The following EPB41L1 variants were observed in gnomAD, a reference collection of about 807,000 sequenced individuals.
The protein encoded by EPB41L1 is erythrocyte membrane protein band 4.1 like 1, also known as band 4.1-like protein 1.
In EPB41L1, 29 loss-of-function variants were observed where a neutral mutation model predicts 97.8. The ratio of observed to expected loss-of-function variants is 0.30; its 90% CI spans 0.22 to 0.40. The LOEUF is 0.40. Among genes scored for constraint, EPB41L1 ranks in the 10% least tolerant of loss-of-function variants. The pLI is 1.00. For synonymous variants in EPB41L1, 383 were observed against 459.2 expected (o/e 0.83, Z 2.12); for missense variants, 812 against 1,162.3 (o/e 0.70, Z 4.38).
At chr20:36,126,435 C>T (rs889774419) in intron 2 of EPB41L1, among the ~76,000 whole-genome samples, 2 of 148,796 alleles carry the variant, frequency 1.3e-5, no homozygotes, top group African/African-American at 2.5e-5. Context: ...GGCGTGATCT[C>T]GGCTCACTGC....
At chr20:36,136,131 C>A (rs2059406127) in intron 2 of EPB41L1, among the ~76,000 whole-genome samples, 1 of 151,978 alleles carries the variant, frequency 6.6e-6, no homozygotes, top group African/African-American at 2.4e-5. Flanking sequence ...AAAAAATTTT[C>A]AAAATTGTGG....
At chr20:36,188,641 C>CACACACAGAG (rs1170858082) in intron 9 of EPB41L1, 142 bp downstream of exon 9, 8 of 273,758 alleles carry the variant, frequency 2.9e-5, no homozygotes, top group East Asian at 2.4e-4. Flanking sequence ...CACACACACA[C>CACACACAGAG]AGAGAGAGAG....
Position 36,207,311 on chromosome 20 carries a change from G to C in EPB41L1, c.1669-2177G>C. On this transcript the variant is annotated intron_variant, in intron 14 of 21. Coordinates refer to ENST00000338074, the MANE Select transcript of EPB41L1 (RefSeq NM_012156.2). This position sits in a 1 kb window ranked among gnomAD's most constrained non-coding sequence, Gnocchi z 4.9. ...CCTCCCATCACCAGCAGAAAGCCCAGAGTAGTCCCTGAAGAAGCTGAGGGG... is the reference window on the plus strand; with the variant it reads ...CCTCCCATCACCAGCAGAAAGCCCACAGTAGTCCCTGAAGAAGCTGAGGGG... 7.8e-7 allele frequency: 1 copy of C among 1,285,066 alleles called. No individual in the cohort carries two copies. Among genetic ancestry groups the C allele is most frequent in the Non-Finnish European group, 1.0e-6 (1 of 985,968 alleles). The allele number at this position is 1,285,066 out of a possible 1,614,324, so 79.6% of individuals were successfully genotyped here.
At chr20:36,199,714 G>A (rs1402427459) in intron 14 of EPB41L1, among the ~76,000 whole-genome samples, 2 of 152,200 alleles carry the variant, frequency 1.3e-5, no homozygotes, top group Non-Finnish European at 2.9e-5. Context: ...GTGATCCAGT[G>A]AACAACATCC....
intron 2 of EPB41L1, among the ~76,000 whole-genome samples, chr20:36,118,023 G>A (rs1411872877): frequency 6.6e-6 from 1 of 152,208 alleles, no homozygotes; most frequent in Non-Finnish European, 1.5e-5. Flanking sequence ...TCCCTCTGTG[G>A]GATGTTGGAT....
intron 11 of EPB41L1, among the ~76,000 whole-genome samples, chr20:36,192,781 GA>G (rs2055695247): frequency 6.6e-6 from 1 of 152,164 alleles, no homozygotes; most frequent in Non-Finnish European, 1.5e-5. Context: ...CAAGCAATGG[GA>G]AAAGCATGTG....
intron 1 of EPB41L1, among the ~76,000 whole-genome samples, chr20:36,100,662 G>C (rs906787549): frequency 6.6e-6 from 1 of 152,230 alleles, no homozygotes; most frequent in Non-Finnish European, 1.5e-5. Flanking sequence ...GCACAGCTGG[G>C]ATTTCAATCT....
chr20:36,176,421 G>A (rs1040504414), intron 3 of EPB41L1, among the ~76,000 whole-genome samples: 2 of 152,086 alleles, frequency 1.3e-5, no homozygotes, highest in African/African-American at 2.4e-5. Context: ...TATCCCTGCC[G>A]AGGCAGCATT....
At chr20:36,095,250 GC>G (rs1156622703) in intron 1 of EPB41L1, among the ~76,000 whole-genome samples, 17 of 152,322 alleles carry the variant, frequency 1.1e-4, no homozygotes, top group African/African-American at 3.8e-4. Context: ...GGGATTACAG[GC>G]ATGAGCCACC....
chr20:36,164,846 C>T (rs1168016005), intron 1 of EPB41L1, among the ~76,000 whole-genome samples: 5 of 151,822 alleles, frequency 3.3e-5, no homozygotes, highest in South Asian at 2.1e-4. Flanking sequence ...CCACCATGCC[C>T]GGCTAATTTT....
chr20:36,214,432 A>G lies in EPB41L1; in HGVS notation c.2260A>G (p.Thr754Ala). Residue 754 changes from threonine to alanine, a missense_variant, in exon 17 of 22, where the codon ACC becomes GCC. This residue lies in a region of EPB41L1 where 498 missense variants were observed against 622.7 expected (regional missense o/e 0.80). Coordinates refer to ENST00000338074, the MANE Select transcript of EPB41L1 (RefSeq NM_012156.2). ...TPSITTETISTTMENSLKSGK... is the reference protein window; with the variant it reads ...TPSITTETISATMENSLKSGK... ...CTCCATCACCACGGAGACCATATCG[A>G]CCACCATGGTAAGTTGAACCCAGGA... 1 of 1,612,846 alleles carries G rather than the reference A, an allele frequency of 6.2e-7. No homozygotes were observed. Among genetic ancestry groups the G allele is most frequent in the Non-Finnish European group, 8.5e-7 (1 of 1,179,668 alleles).
chr20:36,151,619 G>C (rs2060051858), upstream of EPB41L1: 1 of 152,256 alleles, frequency 6.6e-6, no homozygotes, highest in South Asian at 2.1e-4. Flanking sequence ...AGTAACTCAA[G>C]TAGTAATTGC....
At chr20:36,163,891 C>G (rs574973653) in intron 1 of EPB41L1, among the ~76,000 whole-genome samples, 1 of 152,250 alleles carries the variant, frequency 6.6e-6, no homozygotes, top group Non-Finnish European at 1.5e-5. Context: ...GACAGAGTCT[C>G]TGTCGTCCAG....
chr20:36,214,228 G>T (rs1343171313), intron 16 of EPB41L1, 129 bp from the exon 17 acceptor site: 7 of 696,548 alleles, frequency 1.0e-5, no homozygotes, highest in Non-Finnish European at 1.8e-5. Context: ...TGGTCTGTGT[G>T]CAGCCCCCTG....
At chr20:36,134,259 A>G (rs752289495) in intron 2 of EPB41L1, among the ~76,000 whole-genome samples, 9 of 152,218 alleles carry the variant, frequency 5.9e-5, no homozygotes, top group Non-Finnish European at 1.2e-4. Flanking sequence ...AGAAATAGCG[A>G]TGGTGAAATA....
At position 36,219,820 on chromosome 20, in the gene EPB41L1, C is replaced by T. The variant is rs1360921101; in HGVS notation, c.2415C>T (p.Thr805=). The T allele has an allele frequency of 1.2e-6, 2 of 1,614,248 alleles. No individual in the cohort carries two copies. The highest frequency in any genetic ancestry group is 8.5e-7 in the Non-Finnish European group (1 of 1,180,044). ...TYGATAETLS[T]STTTHVTKTV... is the part of the protein sequence containing the mutation. ...GCGCCACTGCGGAAACCCTCTCAAC[C>T]TCCACCACCACCCATGTCACCAAAG... The change falls in exon 19 of 22, where the codon ACC becomes ACT. Residue 805 remains threonine, a synonymous_variant. Transcript: ENST00000338074.
At chr20:36,202,738 G>C (rs140615158) in intron 14 of EPB41L1, among the ~76,000 whole-genome samples, 2 of 151,456 alleles carry the variant, frequency 1.3e-5, no homozygotes, top group Non-Finnish European at 2.9e-5. Context: ...GCTTGAACTC[G>C]GGAGGCGGCT....
At chr20:36,125,640 G>T (rs1021167935) in intron 2 of EPB41L1, 1 of 1,473,570 alleles carries the variant, frequency 6.8e-7, no homozygotes, top group African/African-American at 1.4e-5. Flanking sequence ...TGTGTGTTGG[G>T]GACGGCAAGG....
rs148963106 is a variant in EPB41L1 at position 36,190,732 on chromosome 20, G to A, written c.1235G>A (p.Arg412Gln). 1.2e-6 allele frequency: 2 copies of A among 1,614,190 alleles called. No individual in the cohort carries two copies. The highest frequency in any genetic ancestry group is 8.5e-7 in the Non-Finnish European group (1 of 1,180,036). ...CGCCAGGCCAGCGCCCTCATTGACCGGCCTGCACCCTTCTTTGAGCGTTCT... is the reference window on the plus strand; with the variant it reads ...CGCCAGGCCAGCGCCCTCATTGACCAGCCTGCACCCTTCTTTGAGCGTTCT... ...QTRQASALIDRPAPFFERSSS... is the reference protein window; with the variant it reads ...QTRQASALIDQPAPFFERSSS... The change falls in exon 11 of 22, where the codon CGG becomes CAG. Residue 412 changes from arginine (R) to glutamine (Q), a missense_variant. Physicochemically the swap from Arg to Gln is conservative, Grantham distance 43 (BLOSUM62 1). Coordinates refer to ENST00000338074, the MANE Select transcript of EPB41L1 (RefSeq NM_012156.2). This position sits in a 1 kb window ranked among gnomAD's most constrained non-coding sequence, Gnocchi z 5.8.
Sources: gnomAD v4.1 joint callset for allele counts (sites outside exome capture counted in the v4.1 genomes callset) on GRCh38, gnomAD v4.1.1 for gene constraint, gnomAD v4.1.1 regional missense constraint, Gnocchi (gnomAD v3.1) non-coding constraint, MANE v1.5 for transcripts, NCBI Gene and HGNC (gene_info 2026-07-23, HGNC 2026-07-21) for gene names.